Variants in ACACA observed in about 807,000 individuals in gnomAD.
ACACA encodes the protein acetyl-CoA carboxylase alpha, also known as acetyl-CoA carboxylase 1.
A neutral mutation model predicts 296.1 loss-of-function variants in ACACA; 103 were observed. The ratio of observed to expected loss-of-function variants is 0.35; its 90% CI spans 0.30 to 0.41. The LOEUF (loss-of-function observed/expected upper bound fraction) is 0.41. Among genes scored for constraint, ACACA ranks in the 10% least tolerant of loss-of-function variants. ACACA has a pLI of 1.00. For missense variants in ACACA, 1,554 were observed against 2,989.7 expected, an observed-to-expected ratio of 0.52 and a Z score of 11.20; for synonymous variants, 953 against 1,038.6, an observed-to-expected ratio of 0.92 and a Z score of 1.58.
At chr17:37,332,401 A>G (rs550729204) in intron 2 of ACACA, among the ~76,000 whole-genome samples, 3 of 152,086 alleles carry the variant, frequency 2.0e-5, no homozygotes, top group Non-Finnish European at 4.4e-5. Context: ...TGTCATCTCA[A>G]AAATCCTATT....
At chr17:37,240,446 T>C in intron 24 of ACACA, 30 bp downstream of exon 24, 1 of 1,603,450 alleles carries the variant, frequency 6.2e-7, no homozygotes, top group Non-Finnish European at 8.5e-7. Flanking sequence ...AAGGCTTTCT[T>C]AGCTAGAGAG....
At chr17:37,313,904 C>A (rs2046962985) in intron 3 of ACACA, among the ~76,000 whole-genome samples, 1 of 152,020 alleles carries the variant, frequency 6.6e-6, no homozygotes, top group African/African-American at 2.4e-5. Flanking sequence ...ATCTACACTC[C>A]CATGTTTATT....
rs543174511 is a variant in ACACA at position 37,163,942 on chromosome 17, C to T, written c.5080-1892G>A. 9.2e-5 allele frequency among the ~76,000 whole-genome samples: 14 copies of T among 152,224 alleles called. No homozygotes were observed. The East Asian group carries it at 9.7e-4, about 10-fold the overall frequency. ...CCTTCTACTTGTATATTTGCTAGTT[C>T]CATTTCTTTTCTATGCTATTCATTC... On this transcript the variant is annotated intron_variant, in intron 41 of 55. Coordinates refer to ENST00000616317, the MANE Select transcript of ACACA (RefSeq NM_198834.3).
chr17:37,155,565 T>C, intron 43 of ACACA, 118 bp downstream of exon 43: 4 of 769,782 alleles, frequency 5.2e-6, no homozygotes, highest in Non-Finnish European at 9.2e-6. Flanking sequence ...CTAAAACATC[T>C]AGATTATGTC....
At chr17:37,325,275 A>G (rs2047554532) in intron 3 of ACACA, among the ~76,000 whole-genome samples, 1 of 151,232 alleles carries the variant, frequency 6.6e-6, no homozygotes, top group South Asian at 2.1e-4. Flanking sequence ...CTAAGGGAGG[A>G]GAATTGCTTG....
intron 48 of ACACA, among the ~76,000 whole-genome samples, chr17:37,123,215 T>A (rs1301397846): frequency 6.6e-6 from 1 of 152,160 alleles, no homozygotes; most frequent in Non-Finnish European, 1.5e-5. Context: ...ATGCCAAGAA[T>A]AGGGAAGTGG....
intron 41 of ACACA, among the ~76,000 whole-genome samples, chr17:37,178,116 ATC>A (rs1252620877): frequency 1.3e-5 from 2 of 152,218 alleles, no homozygotes; most frequent in Non-Finnish European, 2.9e-5. Flanking sequence ...AAATAAAAAT[ATC>A]TCTCTTTTTA....
At chr17:37,220,087 G>T (rs2079214220) in intron 29 of ACACA, among the ~76,000 whole-genome samples, 1 of 152,156 alleles carries the variant, frequency 6.6e-6, no homozygotes, top group Non-Finnish European at 1.5e-5. Flanking sequence ...TTTATCTACA[G>T]GCATGTCCAG....
intron 43 of ACACA, among the ~76,000 whole-genome samples, chr17:37,152,096 A>G (rs2076069705): frequency 1.3e-5 from 2 of 152,140 alleles, no homozygotes; most frequent in African/African-American, 4.8e-5. Context: ...CGCCCGGCCA[A>G]GCAGATAGAT....
chr17:37,099,334 G>A (rs1412544889), intron 52 of ACACA, among the ~76,000 whole-genome samples: 3 of 152,140 alleles, frequency 2.0e-5, no homozygotes, highest in Non-Finnish European at 2.9e-5. Flanking sequence ...TTTAGGCCCC[G>A]GCGCCTCAGT....
At chr17:37,405,799 G>A (rs1244845052) in intron 1 of ACACA, among the ~76,000 whole-genome samples, 3 of 146,352 alleles carry the variant, frequency 2.0e-5, no homozygotes, top group African/African-American at 7.7e-5. Flanking sequence ...TGATCCGCCC[G>A]CCTCGGCCTG....
chr17:37,138,989 C>A (rs2075445091), intron 45 of ACACA, among the ~76,000 whole-genome samples: 1 of 151,388 alleles, frequency 6.6e-6, no homozygotes, highest in African/African-American at 2.4e-5. Flanking sequence ...AACTAGGGGG[C>A]AGGGGTGATA....
rs531387968 is a variant in ACACA, at chr17:37,329,809, C to T, written c.338+364G>A. 1.3e-4 allele frequency among the ~76,000 whole-genome samples: 20 copies of T among 152,016 alleles called. No homozygotes were observed. In the South Asian group the frequency reaches 4.2e-3, roughly 32 times the overall value. The stretch of plus-strand genomic sequence containing the variant: ...ACAAAAAATTAGCTGGGCATGGTGG[C>T]AGGCGCCTGTAATCCCAGCTACTTG... On this transcript the variant is annotated intron_variant, in intron 3 of 55. Coordinates refer to ENST00000616317, the MANE Select transcript of ACACA (RefSeq NM_198834.3).
chr17:37,190,041 AGC>A (rs1185777262), intron 38 of ACACA, among the ~76,000 whole-genome samples: 5 of 144,822 alleles, frequency 3.5e-5, no homozygotes, highest in East Asian at 2.1e-4. Flanking sequence ...AAAAAAAAAA[AGC>A]AGCAGCAGCA....
intron 1 of ACACA, among the ~76,000 whole-genome samples, chr17:37,342,438 T>C (rs1428104550): frequency 1.8e-5 from 1 of 55,188 alleles, no homozygotes; most frequent in Non-Finnish European, 3.4e-5. Context: ...AAAAAAAAAA[T>C]ATATATATAT....
chr17:37,219,801 T>TG (rs1460361933), intron 29 of ACACA, among the ~76,000 whole-genome samples: 1 of 151,132 alleles, frequency 6.6e-6, no homozygotes, highest in Non-Finnish European at 1.5e-5. Flanking sequence ...AGCTATACTC[T>TG]GAAACTGAAT....
intron 1 of ACACA, among the ~76,000 whole-genome samples, chr17:37,389,602 G>A (rs544857218): frequency 3.2e-4 from 48 of 151,820 alleles, no homozygotes; most frequent in African/African-American, 1.0e-3. Context: ...CAGGAGAATC[G>A]CTTGAACCTG....
At position 37,406,681 on chromosome 17, in the gene ACACA, G is replaced by T; in HGVS notation, c.-382C>A. The T allele has an allele frequency of 2.6e-6, 1 of 379,118 alleles. No homozygotes were observed. Among genetic ancestry groups the T allele is most frequent in the Non-Finnish European group, 4.9e-6 (1 of 202,412 alleles). The allele number at this position is 379,118 out of a possible 1,614,324, so 23.5% of individuals were successfully genotyped here. ...ACACGGGCAAAGTGATTACTGGTCG[G>T]ATCAAAAGTCAGGCAAGCGGCTCAG... On this transcript the variant is annotated 5_prime_UTR_variant, in exon 1 of 56. Transcript: ENST00000616317.
At chr17:37,246,504 T>C (rs147370775) in intron 19 of ACACA, among the ~76,000 whole-genome samples, 85 of 152,230 alleles carry the variant, frequency 5.6e-4, no homozygotes, top group East Asian at 5.4e-3. Flanking sequence ...ACAATCTCCA[T>C]TCACTGCTGC....
Sources: gnomAD v4.1 joint callset for allele counts (sites outside exome capture counted in the v4.1 genomes callset) on GRCh38, gnomAD v4.1.1 for gene constraint, MANE v1.5 for transcripts, NCBI Gene and HGNC (gene_info 2026-07-23, HGNC 2026-07-21) for gene names.